The following ANTXR1 variants were observed in gnomAD, a reference collection of about 807,000 sequenced individuals.
The protein encoded by ANTXR1 is anthrax toxin receptor 1.
In ANTXR1, 19 loss-of-function variants were observed where a neutral mutation model predicts 78.1. The observed-to-expected ratio is 0.24, with a 90% CI of 0.17 to 0.36. ANTXR1 has a LOEUF of 0.36. ANTXR1 is among the 10% of genes least tolerant of loss of function. The probability of loss-of-function intolerance (pLI) is 1.00; values close to 1 mark genes in which losing one functional copy is unlikely to be tolerated. For synonymous variants in ANTXR1, 273 were observed against 260.5 expected (o/e 1.05, Z -0.46); for missense variants, 518 against 718.6 (o/e 0.72, Z 3.19).
At chr2:69,090,699 G>C in intron 8 of ANTXR1, 160 bp from the exon 9 acceptor site, 1 of 681,334 alleles carries the variant, frequency 1.5e-6, no homozygotes, top group South Asian at 1.6e-5. Flanking sequence ...TAAATGTTTG[G>C]TATTGGTACT....
chr2:69,139,403 G>A (rs994065439), intron 12 of ANTXR1, among the ~76,000 whole-genome samples: 1 of 152,216 alleles, frequency 6.6e-6, no homozygotes, highest in African/African-American at 2.4e-5. Flanking sequence ...AATCAGTCCT[G>A]ACTTTGTAAT....
At chr2:69,149,203 G>T (rs1673320823) in intron 12 of ANTXR1, among the ~76,000 whole-genome samples, 1 of 152,060 alleles carries the variant, frequency 6.6e-6, no homozygotes, top group Non-Finnish European at 1.5e-5. Flanking sequence ...CACCCACCAG[G>T]ACCCCCTTTC....
intron 12 of ANTXR1, among the ~76,000 whole-genome samples, chr2:69,137,080 T>G (rs1672929706): frequency 6.6e-6 from 1 of 152,210 alleles, no homozygotes; most frequent in Non-Finnish European, 1.5e-5. Context: ...ATGTGTACAT[T>G]TTATTCTCCC....
At chr2:69,123,167 CT>C in intron 11 of ANTXR1, 81 bp downstream of exon 11, 7 of 1,461,782 alleles carry the variant, frequency 4.8e-6, no homozygotes, top group Non-Finnish European at 6.7e-6. Context: ...AAGAAAGCAT[CT>C]AGAGAAAGTG....
intron 3 of ANTXR1, among the ~76,000 whole-genome samples, chr2:69,060,394 G>A (rs1670198746): frequency 6.6e-6 from 1 of 152,134 alleles, no homozygotes; most frequent in Non-Finnish European, 1.5e-5. Context: ...CTTTGATGGA[G>A]TTTGGCTCTG....
intron 3 of ANTXR1, among the ~76,000 whole-genome samples, chr2:69,055,593 C>T (rs1330578934): frequency 2.6e-5 from 4 of 152,102 alleles, no homozygotes; most frequent in Admixed American, 2.0e-4. Flanking sequence ...TGAGGCCTCA[C>T]GGTATAGTAT....
chr2:69,157,486 G>A (rs1485951590), intron 13 of ANTXR1, among the ~76,000 whole-genome samples: 5 of 151,292 alleles, frequency 3.3e-5, no homozygotes, highest in Admixed American at 6.6e-5. Context: ...AACTCTTCAC[G>A]TTACCCCCTA....
At chr2:69,229,654 G>A (rs1675539020) in intron 17 of ANTXR1, among the ~76,000 whole-genome samples, 1 of 151,888 alleles carries the variant, frequency 6.6e-6, no homozygotes, top group Admixed American at 6.6e-5. Flanking sequence ...GAGACAGAAA[G>A]GGCAAGAAGG....
intron 17 of ANTXR1, among the ~76,000 whole-genome samples, chr2:69,194,703 A>C (rs1674622659): frequency 6.6e-6 from 1 of 152,026 alleles, no homozygotes; most frequent in African/African-American, 2.4e-5. Flanking sequence ...AAATACAAAA[A>C]TTAGCTAGGT....
chr2:69,239,232 A>C (rs1294962787), intron 17 of ANTXR1, among the ~76,000 whole-genome samples: 1 of 152,230 alleles, frequency 6.6e-6, no homozygotes, highest in Non-Finnish European at 1.5e-5. Flanking sequence ...CCCCAAAAGA[A>C]TTCAGATTAA....
At chr2:69,149,426 C>T (rs1673326438) in intron 12 of ANTXR1, among the ~76,000 whole-genome samples, 3 of 152,324 alleles carry the variant, frequency 2.0e-5, no homozygotes, top group South Asian at 2.1e-4. Flanking sequence ...CGCTACTTCA[C>T]GGAAAACCTT....
chr2:69,053,377 C>G (rs967132276), intron 3 of ANTXR1, among the ~76,000 whole-genome samples: 2 of 152,164 alleles, frequency 1.3e-5, no homozygotes, highest in Non-Finnish European at 2.9e-5. Context: ...GGAAGATGGT[C>G]AGGTGTAGAT....
rs6715724 is a variant in ANTXR1 at position 69,192,675 on chromosome 2, G to A, written c.1354-660G>A. Among the ~76,000 whole-genome samples, 932 of 152,318 alleles carry A rather than the reference G, an allele frequency of 6.1e-3. 15 individuals carry two copies. Among genetic ancestry groups the A allele is most frequent in the African/African-American group, 0.022 (897 of 41,560 alleles). On this transcript the variant is annotated intron_variant, in intron 16 of 17. Coordinates refer to ENST00000303714, the MANE Select transcript of ANTXR1 (RefSeq NM_032208.3). Reference sequence around the variant, plus strand: ...ACAAATAAAAGTCACCTGTAGGGGCGTTCTTGGTCATCAGTTGTGAAAGCC... The same window carrying A: ...ACAAATAAAAGTCACCTGTAGGGGCATTCTTGGTCATCAGTTGTGAAAGCC...
At chr2:69,035,576 T>C (rs759355837) in intron 1 of ANTXR1, among the ~76,000 whole-genome samples, 1 of 152,114 alleles carries the variant, frequency 6.6e-6, no homozygotes, top group African/African-American at 2.4e-5. Flanking sequence ...TCTTAGAAGT[T>C]TGTGGTTTTA....
At chr2:69,199,179 A>T (rs1272005527) in intron 17 of ANTXR1, among the ~76,000 whole-genome samples, 1 of 152,238 alleles carries the variant, frequency 6.6e-6, no homozygotes, top group Non-Finnish European at 1.5e-5. Context: ...ATCACCTAGA[A>T]GGTTTGTTAA....
At chr2:69,127,749 ATAGGGTT>A (rs1672587742) in intron 12 of ANTXR1, among the ~76,000 whole-genome samples, 1 of 152,140 alleles carries the variant, frequency 6.6e-6, no homozygotes, top group Non-Finnish European at 1.5e-5. Flanking sequence ...AGCATTGAAT[ATAGGGTT>A]TAGAGAGAGA....
intron 10 of ANTXR1, among the ~76,000 whole-genome samples, chr2:69,122,451 T>C (rs2104374214): frequency 6.6e-6 from 1 of 152,342 alleles, no homozygotes; most frequent in African/African-American, 2.4e-5. Flanking sequence ...CCCTCAGTGA[T>C]TCCTGCTCTA....
chr2:69,088,766 T>C (rs1359900886), intron 8 of ANTXR1, among the ~76,000 whole-genome samples: 2 of 152,188 alleles, frequency 1.3e-5, no homozygotes, highest in African/African-American at 4.8e-5. Context: ...AGATCAACCA[T>C]AAGGCACTGG....
chr2:69,245,102 T>C, intron 17 of ANTXR1, 123 bp from the exon 18 acceptor site: 1 of 1,104,872 alleles, frequency 9.1e-7, no homozygotes, highest in South Asian at 1.2e-5. Flanking sequence ...TATGTGCCAC[T>C]AGAGAGTTGT....
Sources: gnomAD v4.1 joint callset for allele counts (sites outside exome capture counted in the v4.1 genomes callset) on GRCh38, gnomAD v4.1.1 for gene constraint, MANE v1.5 for transcripts, NCBI Gene and HGNC (gene_info 2026-07-23, HGNC 2026-07-21) for gene names.